The following KCNJ3 variants were observed in gnomAD, a reference collection of about 807,000 sequenced individuals.
The protein encoded by KCNJ3 is G protein-activated inward rectifier potassium channel 1.
KCNJ3 carries 4 observed loss-of-function variants against 39.2 expected under a neutral mutation model. The observed-to-expected ratio is 0.10, with a 90% CI of 0.05 to 0.23. The LOEUF is 0.23. Among genes scored for constraint, KCNJ3 ranks in the 10% least tolerant of loss-of-function variants. The pLI is 1.00. For synonymous variants in KCNJ3, 230 were observed against 237.4 expected, an observed-to-expected ratio of 0.97 and a Z score of 0.29; for missense variants, 276 against 634.9, an observed-to-expected ratio of 0.43 and a Z score of 6.08.
At chr2:154,801,481 C>CTTTCTTTTCT (rs58291298) in intron 2 of KCNJ3, among the ~76,000 whole-genome samples, 73 of 149,510 alleles carry the variant, frequency 4.9e-4, no homozygotes, top group Admixed American at 1.7e-3. Context: ...TCCCTCCCTC[C>CTTTCTTTTCT]TTTCTTTTCT....
At chr2:154,834,983 C>T (rs1316988892) in intron 2 of KCNJ3, among the ~76,000 whole-genome samples, 1 of 151,452 alleles carries the variant, frequency 6.6e-6, no homozygotes, top group Admixed American at 6.6e-5. Context: ...GTTGCTCACT[C>T]CTCCTCACCC....
rs776154778 is a variant in KCNJ3, at chr2:154,857,236, G to A, written c.*1923G>A. ...ACAAAATAGTGACAGAGAGAGAAGGGGGTCCACAGGGCATGGTATATTTAT... is the reference window on the plus strand; with the variant it reads ...ACAAAATAGTGACAGAGAGAGAAGGAGGTCCACAGGGCATGGTATATTTAT... On this transcript the variant is annotated 3_prime_UTR_variant, in exon 3 of 3. Coordinates refer to ENST00000295101, the MANE Select transcript of KCNJ3 (RefSeq NM_002239.4). The A allele has an allele frequency of 3.9e-5, 6 of 152,092 alleles. No individual in the cohort carries two copies. Among genetic ancestry groups the A allele is most frequent in the Non-Finnish European group, 5.9e-5 (4 of 68,028 alleles). 9.4% of individuals were successfully genotyped at this position (152,092 alleles called of 1,614,324 possible). A position where few individuals can be genotyped will look rare whatever the true frequency, so the allele number is the denominator to read the frequency against.
At chr2:154,851,271 G>A (rs1317359647) in intron 2 of KCNJ3, among the ~76,000 whole-genome samples, 2 of 152,142 alleles carry the variant, frequency 1.3e-5, no homozygotes, top group African/African-American at 4.8e-5. Flanking sequence ...CTCATAGCCA[G>A]TGACTTTTAA....
chr2:154,855,725 A>G lies in KCNJ3; in HGVS notation c.*412A>G, dbSNP rs1182734442. 6.3e-6 allele frequency: 1 copy of G among 157,846 alleles called. No individual in the cohort carries two copies. The highest frequency in any genetic ancestry group is 1.4e-5 in the Non-Finnish European group (1 of 71,028). 9.8% of individuals were successfully genotyped at this position (157,846 alleles called of 1,614,324 possible). A position where few individuals can be genotyped will look rare whatever the true frequency, so the allele number is the denominator to read the frequency against. Reference sequence around the variant, plus strand: ...AGCTTTCAGGGCGATAAAACTAAATATATGTCTGTGTGTGTGTGTGTATGT... The same window carrying G: ...AGCTTTCAGGGCGATAAAACTAAATGTATGTCTGTGTGTGTGTGTGTATGT... On this transcript the variant is annotated 3_prime_UTR_variant, in exon 3 of 3. Transcript: ENST00000295101.
intron 1 of KCNJ3, among the ~76,000 whole-genome samples, chr2:154,704,898 G>A (rs10932157): frequency 0.52 from 78,776 of 151,992 alleles, 21,159 homozygotes; most frequent in African/African-American, 0.66. Context: ...CATATTACAC[G>A]TGTAAAGAGG....
At chr2:154,798,084 A>T (rs537277850) in intron 2 of KCNJ3, among the ~76,000 whole-genome samples, 1 of 152,008 alleles carries the variant, frequency 6.6e-6, no homozygotes, top group Admixed American at 6.6e-5. Context: ...CACACCCTAC[A>T]TGTACACAAA....
chr2:154,746,382 A>G (rs1370120660), intron 2 of KCNJ3, among the ~76,000 whole-genome samples: 1 of 151,842 alleles, frequency 6.6e-6, no homozygotes, highest in East Asian at 1.9e-4. Context: ...TGTATAACCT[A>G]TGTACATCCT....
At chr2:154,716,336 A>T (rs1331439325) in intron 2 of KCNJ3, among the ~76,000 whole-genome samples, 1 of 137,806 alleles carries the variant, frequency 7.3e-6, no homozygotes, top group Non-Finnish European at 1.5e-5. Flanking sequence ...CGTGTTCGCC[A>T]GGATGGTCTT....
intron 2 of KCNJ3, among the ~76,000 whole-genome samples, chr2:154,832,979 A>C (rs1687388589): frequency 6.6e-6 from 1 of 152,212 alleles, no homozygotes; most frequent in East Asian, 1.9e-4. Context: ...ATTTCAGAAC[A>C]ACAAAAATAG....
At chr2:154,729,459 A>G (rs2105166102) in intron 2 of KCNJ3, among the ~76,000 whole-genome samples, 1 of 152,330 alleles carries the variant, frequency 6.6e-6, no homozygotes, top group Non-Finnish European at 1.5e-5. Flanking sequence ...GAACCTGAAT[A>G]TAGTAGTCAG....
chr2:154,699,318 C>T lies in KCNJ3; in HGVS notation c.543C>T (p.Phe181=). 6.2e-7 allele frequency: 1 copy of T among 1,613,896 alleles called. No individual in the cohort carries two copies. The highest frequency in any genetic ancestry group is 1.6e-4 in the Middle Eastern group (1 of 6,062). Residue 181 remains phenylalanine, a synonymous_variant, in exon 1 of 3, where the codon TTC becomes TTT. Transcript: ENST00000295101. This position sits in a 1 kb window ranked among gnomAD's most constrained non-coding sequence, Gnocchi z 6.4. ...ACGCCTTCCTCATCGGCTGCATGTTCATCAAGATGTCCCAGCCCAAGAAGC... is the reference window on the plus strand; with the variant it reads ...ACGCCTTCCTCATCGGCTGCATGTTTATCAAGATGTCCCAGCCCAAGAAGC... ...IVDAFLIGCM[F]IKMSQPKKRA...
At chr2:154,827,009 A>G (rs1300254778) in intron 2 of KCNJ3, among the ~76,000 whole-genome samples, 2 of 152,184 alleles carry the variant, frequency 1.3e-5, no homozygotes, top group Non-Finnish European at 2.9e-5. Context: ...AGAGCAGGTC[A>G]GAGTGTGTGT....
intron 2 of KCNJ3, among the ~76,000 whole-genome samples, chr2:154,746,690 A>T (rs1256716168): frequency 6.7e-6 from 1 of 150,072 alleles, no homozygotes; most frequent in Non-Finnish European, 1.5e-5. Flanking sequence ...ATATTTCAAG[A>T]TATTTCAATT....
intron 2 of KCNJ3, among the ~76,000 whole-genome samples, chr2:154,732,059 T>C (rs1054620743): frequency 1.3e-5 from 2 of 152,072 alleles, no homozygotes; most frequent in African/African-American, 2.4e-5. Context: ...TCAGAATAAC[T>C]TGCCTCTTAT....
intron 2 of KCNJ3, among the ~76,000 whole-genome samples, chr2:154,765,944 G>A (rs1422789731): frequency 6.6e-6 from 1 of 152,162 alleles, no homozygotes; most frequent in African/African-American, 2.4e-5. Context: ...TATTTAGTCT[G>A]ATTCTAAGAT....
At chr2:154,784,084 A>G (rs971882067) in intron 2 of KCNJ3, among the ~76,000 whole-genome samples, 1 of 152,210 alleles carries the variant, frequency 6.6e-6, no homozygotes, top group Non-Finnish European at 1.5e-5. Flanking sequence ...ATTTGAAGGT[A>G]TTGCTTTAAT....
At chr2:154,825,435 ATGT>A (rs1687254267) in intron 2 of KCNJ3, among the ~76,000 whole-genome samples, 1 of 152,176 alleles carries the variant, frequency 6.6e-6, no homozygotes, top group African/African-American at 2.4e-5. Context: ...GTATGAGTGA[ATGT>A]TAATGATGTA....
At chr2:154,850,016 T>TTGTTTG (rs1687730781) in intron 2 of KCNJ3, among the ~76,000 whole-genome samples, 1 of 32,732 alleles carries the variant, frequency 3.1e-5, no homozygotes, top group Non-Finnish European at 7.6e-5. Flanking sequence ...ATCTTTTTTT[T>TTGTTTG]TTTTTTTTTT....
At chr2:154,834,024 C>G (rs1399777145) in intron 2 of KCNJ3, among the ~76,000 whole-genome samples, 1 of 152,052 alleles carries the variant, frequency 6.6e-6, no homozygotes, top group Non-Finnish European at 1.5e-5. Flanking sequence ...ACATAACTGT[C>G]CAGTTAAACT....
Sources: gnomAD v4.1 joint callset for allele counts (sites outside exome capture counted in the v4.1 genomes callset) on GRCh38, gnomAD v4.1.1 for gene constraint, Gnocchi (gnomAD v3.1) non-coding constraint, MANE v1.5 for transcripts, NCBI Gene and HGNC (gene_info 2026-07-23, HGNC 2026-07-21) for gene names.